Variants in TYW1B observed in about 807,000 individuals in gnomAD.
TYW1B encodes the protein tRNA-yW synthesizing protein 1 homolog B, also known as S-adenosyl-L-methionine-dependent tRNA 4-demethylwyosine synthase TYW1B.
TYW1B carries 73 observed loss-of-function variants against 86.9 expected under a neutral mutation model. The ratio of observed to expected loss-of-function variants is 0.84; its 90% confidence interval spans 0.70 to 1.02. TYW1B has a LOEUF of 1.02. TYW1B is among the 50% of genes least tolerant of loss of function. TYW1B has a pLI of 0.00. For synonymous variants in TYW1B, 248 were observed against 292.8 expected (o/e 0.85, Z 1.56); for missense variants, 637 against 827.4 (o/e 0.77, Z 2.82).
At chr7:72,583,076 T>C (rs1159770084) in intron 13 of TYW1B, among the ~76,000 whole-genome samples, 1 of 152,024 alleles carries the variant, frequency 6.6e-6, no homozygotes, top group Non-Finnish European at 1.5e-5. Flanking sequence ...AAAGAGATAA[T>C]AAGCGGCCAG....
intron 11 of TYW1B, among the ~76,000 whole-genome samples, chr7:72,648,312 G>A (rs566084621): frequency 6.6e-6 from 1 of 152,086 alleles, no homozygotes; most frequent in East Asian, 1.9e-4. Flanking sequence ...GGGGACTAAG[G>A]TGGGCAGATC....
At chr7:72,592,838 G>C (rs1291537222) in intron 13 of TYW1B, among the ~76,000 whole-genome samples, 3 of 152,112 alleles carry the variant, frequency 2.0e-5, no homozygotes, top group Non-Finnish European at 4.4e-5. Context: ...AACAGAGCAA[G>C]AACATATAAC....
Position 72,759,209 on chromosome 7 carries a change from C to G in TYW1B, c.965-14608G>C, listed in dbSNP as rs933182483. On this transcript the variant is annotated intron_variant, in intron 7 of 13. Transcript: ENST00000620995. ...TTAGCCAGGCGTGGTGGCACGCACA[C>G]CTGTAGTCCCAACTACTCGGGAGGC... Among the ~76,000 whole-genome samples, 8 of 152,252 alleles carry G rather than the reference C, an allele frequency of 5.3e-5. No individual in the cohort carries two copies. In the South Asian group the frequency reaches 1.7e-3, roughly 32 times the overall value.
At chr7:72,713,300 C>CAAAAAAA (rs71069102) in intron 10 of TYW1B, among the ~76,000 whole-genome samples, 5 of 55,844 alleles carry the variant, frequency 9.0e-5, no homozygotes, top group African/African-American at 2.2e-4. Flanking sequence ...GACTCCAACT[C>CAAAAAAA]AAAAAAAAAA....
At chr7:72,737,845 G>A (rs1322935063) in intron 8 of TYW1B, among the ~76,000 whole-genome samples, 1 of 150,370 alleles carries the variant, frequency 6.7e-6, no homozygotes, top group Admixed American at 6.6e-5. Context: ...CGTGATCTCG[G>A]CTCACTGCAA....
intron 7 of TYW1B, among the ~76,000 whole-genome samples, chr7:72,751,845 A>G (rs1787506534): frequency 6.6e-6 from 1 of 152,180 alleles, no homozygotes; most frequent in African/African-American, 2.4e-5. Flanking sequence ...ATGGCAGTTT[A>G]ATTTTCAGAA....
At chr7:72,784,355 T>A (rs566186164) in intron 6 of TYW1B, among the ~76,000 whole-genome samples, 3 of 152,226 alleles carry the variant, frequency 2.0e-5, no homozygotes, top group African/African-American at 7.2e-5. Flanking sequence ...TTACCAGCCA[T>A]CTGATGATGG....
At chr7:72,812,394 T>C (rs1302771525) in intron 3 of TYW1B, among the ~76,000 whole-genome samples, 1 of 152,080 alleles carries the variant, frequency 6.6e-6, no homozygotes, top group Non-Finnish European at 1.5e-5. Flanking sequence ...TTTTAAAGCA[T>C]TTCCAATTTG....
At chr7:72,656,976 G>A (rs1456594755) in intron 11 of TYW1B, among the ~76,000 whole-genome samples, 1 of 152,180 alleles carries the variant, frequency 6.6e-6, no homozygotes, top group African/African-American at 2.4e-5. Context: ...TTCAACATGA[G>A]ATTTGGAGGG....
intron 4 of TYW1B, among the ~76,000 whole-genome samples, chr7:72,809,424 G>C (rs1788559472): frequency 6.6e-6 from 1 of 152,054 alleles, no homozygotes; most frequent in Non-Finnish European, 1.5e-5. Flanking sequence ...GGCTGAGGTG[G>C]GTAGGACTGC....
At chr7:72,691,288 AAAC>A (rs1814154031) in intron 11 of TYW1B, among the ~76,000 whole-genome samples, 1 of 152,252 alleles carries the variant, frequency 6.6e-6, no homozygotes, top group African/African-American at 2.4e-5. Flanking sequence ...CAAGAACGAG[AAAC>A]AACAACTCTA....
intron 11 of TYW1B, among the ~76,000 whole-genome samples, chr7:72,632,445 TATAAAA>T (rs1554440080): frequency 2.1e-5 from 2 of 93,342 alleles, no homozygotes; most frequent in Non-Finnish European, 4.1e-5. Flanking sequence ...TACGTATATA[TATAAAA>T]TATATATATA....
At chr7:72,643,312 C>A (rs1369519372) in intron 11 of TYW1B, among the ~76,000 whole-genome samples, 1 of 152,110 alleles carries the variant, frequency 6.6e-6, no homozygotes, top group Non-Finnish European at 1.5e-5. Flanking sequence ...AACAGGCCGG[C>A]CACAGTGCTC....
intron 11 of TYW1B, among the ~76,000 whole-genome samples, chr7:72,686,136 G>A (rs780556607): frequency 1.3e-5 from 2 of 152,172 alleles, no homozygotes; most frequent in Non-Finnish European, 2.9e-5. Context: ...CAGCCACTTT[G>A]GAAGACAGTT....
Position 72,826,915 on chromosome 7 carries a change from A to G in TYW1B, c.75T>C (p.Tyr25=). ...GGCTAATGCTAACAGCAAAGCCCAG[A>G]TAAATGTAAAACCTGTTTATCCATA... ...ISLWINRFYI[Y]LGFAVSISLW... The change falls in exon 2 of 14, where the codon TAT becomes TAC. Residue 25 remains tyrosine, a synonymous_variant. Transcript: ENST00000620995. The G allele has an allele frequency of 6.2e-7, 1 of 1,614,040 alleles. No homozygotes were observed. Among genetic ancestry groups the G allele is most frequent in the Non-Finnish European group, 8.5e-7 (1 of 1,179,984 alleles).
intron 6 of TYW1B, among the ~76,000 whole-genome samples, chr7:72,788,000 TG>T (rs1192533105): frequency 6.6e-6 from 1 of 151,782 alleles, no homozygotes; most frequent in Non-Finnish European, 1.5e-5. Flanking sequence ...CTTTTTGAGA[TG>T]GAGTCTCACA....
At chr7:72,665,713 T>G (rs1813446268) in intron 11 of TYW1B, among the ~76,000 whole-genome samples, 1 of 152,234 alleles carries the variant, frequency 6.6e-6, no homozygotes, top group South Asian at 2.1e-4. Flanking sequence ...CTATGTTATA[T>G]TTTTGTTTAT....
At chr7:72,684,470 A>G (rs1437864747) in intron 11 of TYW1B, among the ~76,000 whole-genome samples, 1 of 152,136 alleles carries the variant, frequency 6.6e-6, no homozygotes, top group Non-Finnish European at 1.5e-5. Flanking sequence ...TCTGCACCCT[A>G]TGAAAATGTC....
At chr7:72,765,179 T>C (rs1787749643) in intron 7 of TYW1B, among the ~76,000 whole-genome samples, 1 of 152,178 alleles carries the variant, frequency 6.6e-6, no homozygotes, top group Non-Finnish European at 1.5e-5. Flanking sequence ...CCTGGAAGGC[T>C]CACGATCCTT....
Sources: gnomAD v4.1 joint callset for allele counts (sites outside exome capture counted in the v4.1 genomes callset) on GRCh38, gnomAD v4.1.1 for gene constraint, MANE v1.5 for transcripts, NCBI Gene and HGNC (gene_info 2026-07-23, HGNC 2026-07-21) for gene names.